The following LRRC7 variants were observed in gnomAD, a reference collection of about 807,000 sequenced individuals.
The protein encoded by LRRC7 is leucine-rich repeat-containing protein 7.
In LRRC7, 23 loss-of-function variants were observed where a neutral mutation model predicts 175.7. The observed-to-expected ratio is 0.13, with a 90% CI of 0.09 to 0.19. The LOEUF is 0.19. LRRC7 is among the 10% of genes least tolerant of loss of function. The pLI is 1.00. For synonymous variants in LRRC7, 685 were observed against 680.9 expected, an observed-to-expected ratio of 1.01 and a Z score of -0.09; for missense variants, 1,354 against 1,904.7, an observed-to-expected ratio of 0.71 and a Z score of 5.38.
At chr1:69,723,785 G>A (rs115363424) in intron 2 of LRRC7, among the ~76,000 whole-genome samples, 17 of 152,086 alleles carry the variant, frequency 1.1e-4, no homozygotes, top group African/African-American at 3.4e-4. Flanking sequence ...CTTCTTCATC[G>A]GCAGCTGTGC....
At chr1:69,797,572 A>C (rs1675937814) in intron 4 of LRRC7, among the ~76,000 whole-genome samples, 2 of 151,944 alleles carry the variant, frequency 1.3e-5, no homozygotes, top group Non-Finnish European at 1.5e-5. Context: ...TGCCAAATTT[A>C]CCTCCTAAAT....
intron 23 of LRRC7, among the ~76,000 whole-genome samples, chr1:70,067,711 G>T (rs1472677590): frequency 6.6e-6 from 1 of 152,016 alleles, no homozygotes. Context: ...AATTTGGAGA[G>T]GATCTTTACT....
chr1:69,887,667 G>A (rs996454527), intron 7 of LRRC7, among the ~76,000 whole-genome samples: 2 of 152,092 alleles, frequency 1.3e-5, no homozygotes, highest in Non-Finnish European at 2.9e-5. Flanking sequence ...GTGAGGAACT[G>A]CGTTCCTTTG....
At chr1:69,927,445 C>T (rs1011096546) in intron 7 of LRRC7, among the ~76,000 whole-genome samples, 1 of 152,190 alleles carries the variant, frequency 6.6e-6, no homozygotes, top group African/African-American at 2.4e-5. Flanking sequence ...TCAGGTACAC[C>T]AGTCAGACAT....
intron 2 of LRRC7, among the ~76,000 whole-genome samples, chr1:69,736,628 T>C (rs990126450): frequency 1.3e-5 from 2 of 152,160 alleles, no homozygotes; most frequent in Admixed American, 1.3e-4. Context: ...TTAATATAAA[T>C]GTGTGTGTGT....
intron 16 of LRRC7, chr1:70,022,298 G>A (rs1204737338): frequency 1.3e-5 from 2 of 152,058 alleles, no homozygotes; most frequent in Non-Finnish European, 2.9e-5. Flanking sequence ...GATTTTGTAT[G>A]TTAAATCCAG....
chr1:69,586,063 G>T (rs1272928684), intron 1 of LRRC7, among the ~76,000 whole-genome samples: 1 of 152,144 alleles, frequency 6.6e-6, no homozygotes, highest in Non-Finnish European at 1.5e-5. Context: ...TTGTTAAATA[G>T]TGAAAGTACC....
intron 7 of LRRC7, chr1:69,873,340 A>G: frequency 2.2e-6 from 1 of 449,524 alleles, no homozygotes; most frequent in Non-Finnish European, 4.7e-6. Context: ...CTATTTCTAC[A>G]GAATTACATT....
chr1:69,741,451 TGAAAA>T (rs764053795), intron 2 of LRRC7, among the ~76,000 whole-genome samples: 19 of 150,038 alleles, frequency 1.3e-4, no homozygotes, highest in Non-Finnish European at 2.2e-4. Context: ...GAAGAGAAAA[TGAAAA>T]GAAAAGAAAA....
chr1:69,575,056 C>T (rs1329227482), intron 1 of LRRC7, among the ~76,000 whole-genome samples: 1 of 152,076 alleles, frequency 6.6e-6, no homozygotes, highest in African/African-American at 2.4e-5. Flanking sequence ...CACACACAAA[C>T]ATAGCTGTAA....
intron 1 of LRRC7, among the ~76,000 whole-genome samples, chr1:69,583,580 G>GT (rs1646283591): frequency 6.6e-6 from 1 of 152,076 alleles, no homozygotes; most frequent in Non-Finnish European, 1.5e-5. Context: ...TAAAATGACT[G>GT]TGTTTTATGT....
chr1:69,745,934 T>G (rs1570602109), intron 2 of LRRC7, among the ~76,000 whole-genome samples: 1 of 152,084 alleles, frequency 6.6e-6, no homozygotes, highest in Non-Finnish European at 1.5e-5. Flanking sequence ...GTAATTTAAA[T>G]AACAAAATTC....
At chr1:69,988,496 C>T (rs938790606) in intron 10 of LRRC7, among the ~76,000 whole-genome samples, 1 of 152,178 alleles carries the variant, frequency 6.6e-6, no homozygotes, top group East Asian at 1.9e-4. Flanking sequence ...GGAAATCCAG[C>T]AATATCTCCA....
chr1:70,019,332 C>T (rs989126281), intron 15 of LRRC7, among the ~76,000 whole-genome samples: 1 of 152,026 alleles, frequency 6.6e-6, no homozygotes, highest in Non-Finnish European at 1.5e-5. Flanking sequence ...GTTTCCCTAA[C>T]CAATATCCCT....
rs566057243 is a variant in LRRC7, at chr1:69,997,545, G to A, written c.1004+2912G>A. Among the ~76,000 whole-genome samples, 4 of 152,014 alleles carry A rather than the reference G, an allele frequency of 2.6e-5. 1 individual carries two copies. Among genetic ancestry groups the A allele is most frequent in the Admixed American group, 2.6e-4 (4 of 15,232 alleles). On this transcript the variant is annotated intron_variant, in intron 11 of 26. Transcript: ENST00000651989. ...TGATATTGGCTGTGGATTTGTCATA[G>A]ATAGCTCTTATTATTTTGAGATACG...
Position 70,011,896 on chromosome 1 carries a change from T to C in LRRC7, c.1104T>C (p.Asp368=). The C allele has an allele frequency of 6.2e-7, 1 of 1,606,534 alleles. No individual in the cohort carries two copies. The highest frequency in any genetic ancestry group is 8.5e-7 in the Non-Finnish European group (1 of 1,173,774). The change falls in exon 12 of 27, where the codon GAT becomes GAC. Residue 368 remains aspartate (D), a synonymous_variant. Coordinates refer to ENST00000651989, the MANE Select transcript of LRRC7 (RefSeq NM_001370785.2). ...ATAGTCTTCGGACATTAGCAGTTGA[T>C]GAGAATTTCCTTCCAGAATTACCCA... ...YLHSLRTLAV[D]ENFLPELPRE...
intron 18 of LRRC7, among the ~76,000 whole-genome samples, chr1:70,033,631 T>C (rs1435970721): frequency 6.6e-6 from 1 of 152,160 alleles, no homozygotes; most frequent in East Asian, 1.9e-4. Flanking sequence ...ACAATAGAAA[T>C]TCTGAAACAG....
At chr1:69,907,575 G>T (rs1646361735) in intron 7 of LRRC7, among the ~76,000 whole-genome samples, 1 of 152,150 alleles carries the variant, frequency 6.6e-6, no homozygotes, top group Non-Finnish European at 1.5e-5. Flanking sequence ...ATTGATTTAT[G>T]TATGTTGAAC....
chr1:69,619,467 A>G (rs1285353982), intron 1 of LRRC7, among the ~76,000 whole-genome samples: 3 of 152,184 alleles, frequency 2.0e-5, no homozygotes, highest in African/African-American at 7.2e-5. Flanking sequence ...AACTACATGT[A>G]AAGAACTGCT....
Sources: gnomAD v4.1 joint callset for allele counts (sites outside exome capture counted in the v4.1 genomes callset) on GRCh38, gnomAD v4.1.1 for gene constraint, MANE v1.5 for transcripts, NCBI Gene and HGNC (gene_info 2026-07-23, HGNC 2026-07-21) for gene names.